Variants in EYA4 observed in about 807,000 individuals in gnomAD.
EYA4 encodes the protein EYA transcriptional coactivator and phosphatase 4.
A neutral mutation model predicts 87.9 loss-of-function variants in EYA4; 31 were observed. The ratio of observed to expected loss-of-function variants is 0.35; its 90% confidence interval spans 0.27 to 0.48. The LOEUF (loss-of-function observed/expected upper bound fraction) is 0.48. Among genes scored for constraint, EYA4 ranks in the 20% least tolerant of loss-of-function variants. The pLI is 0.99. For synonymous variants in EYA4, 263 were observed against 270.6 expected (o/e 0.97, Z 0.28); for missense variants, 678 against 761.4 (o/e 0.89, Z 1.29).
chr6:133,468,811 A>T, intron 11 of EYA4, 80 bp downstream of exon 11: 1 of 1,412,072 alleles, frequency 7.1e-7, no homozygotes, highest in African/African-American at 1.4e-5. Flanking sequence ...CATTCCAAAA[A>T]CATGGCGGAA....
chr6:133,244,148 G>A (rs117186943), intron 1 of EYA4, among the ~76,000 whole-genome samples: 1,700 of 152,200 alleles, frequency 0.011, 13 homozygotes, highest in Non-Finnish European at 0.014. Flanking sequence ...ATAAGTAAAG[G>A]TCTACAATCA....
chr6:133,400,695 G>A (rs959544509), intron 3 of EYA4, among the ~76,000 whole-genome samples: 1 of 147,188 alleles, frequency 6.8e-6, no homozygotes, highest in Non-Finnish European at 1.5e-5. Context: ...AATTATTATT[G>A]ATTACCTTAT....
In EYA4 at chr6:133,462,384, T is replaced by C; in HGVS notation, c.487T>C (p.Tyr163His). The stretch of plus-strand genomic sequence containing the variant: ...ACCAGCAGCTCAAACAATGTCTGCC[T>C]ATGCAGGCCAGACTCAGTATTCGGG... ...STPAAQTMSA[Y>H]AGQTQYSGMQ... The change falls in exon 8 of 20, where the codon TAT (tyrosine) becomes CAT (histidine). Residue 163 changes from tyrosine to histidine, a missense_variant. Physicochemically the swap from Tyr to His is moderately conservative, Grantham distance 83. Coordinates refer to ENST00000355286, the MANE Select transcript of EYA4 (RefSeq NM_004100.5). 6.2e-7 allele frequency: 1 copy of C among 1,614,040 alleles called. No homozygotes were observed. The highest frequency in any genetic ancestry group is 8.5e-7 in the Non-Finnish European group (1 of 1,179,886).
Position 133,446,687 on chromosome 6 carries a change from T to G in EYA4, c.141T>G (p.Thr47=), listed in dbSNP as rs752686762. The G allele has an allele frequency of 2.5e-6, 4 of 1,613,888 alleles. No individual in the cohort carries two copies. The Admixed American group carries it at 6.7e-5, about 27-fold the overall frequency. ...ATACTCTTGTTGGAGGTGGTGATAC[T>G]CCAGGTAGCTCCAAACTGGAAAAAT... ...SPHTLVGGGD[T]PGSSKLEKSN... is the part of the protein sequence containing the mutation. Residue 47 remains threonine, a synonymous_variant, in exon 4 of 20, where the codon ACT becomes ACG. Transcript: ENST00000355286.
chr6:133,355,640 C>T lies in EYA4; in HGVS notation c.34-26752C>T, dbSNP rs773271107. On this transcript the variant is annotated intron_variant, in intron 2 of 19. Coordinates refer to ENST00000355286, the MANE Select transcript of EYA4 (RefSeq NM_004100.5). The stretch of plus-strand genomic sequence containing the variant: ...AAGCTTACTTGGGATGGCTTGTCCT[C>T]ATTGATTGCTATATAAGTACCTTCT... Among the ~76,000 whole-genome samples, 34 of 152,104 alleles carry T rather than the reference C, an allele frequency of 2.2e-4. 2 individuals carry two copies. The highest frequency in any genetic ancestry group is 4.7e-4 in the Non-Finnish European group (32 of 68,018).
chr6:133,276,478 C>T (rs778705783), intron 2 of EYA4, among the ~76,000 whole-genome samples: 4 of 152,114 alleles, frequency 2.6e-5, no homozygotes, highest in Non-Finnish European at 5.9e-5. Flanking sequence ...ACTAAAGATG[C>T]GTCATATCAC....
At position 133,336,779 on chromosome 6, in the gene EYA4, A is replaced by G. The variant is rs562780692; in HGVS notation, c.34-45613A>G. Among the ~76,000 whole-genome samples, 48 of 152,334 alleles carry G rather than the reference A, an allele frequency of 3.2e-4. No individual in the cohort carries two copies. In the South Asian group the frequency reaches 9.9e-3, roughly 32 times the overall value. On this transcript the variant is annotated intron_variant, in intron 2 of 19. Coordinates refer to ENST00000355286, the MANE Select transcript of EYA4 (RefSeq NM_004100.5). ...AAGCAATGATACATATAAGGTACAG[A>G]TAAGATACATATGGAAACATGTTAA...
intron 2 of EYA4, among the ~76,000 whole-genome samples, chr6:133,292,543 G>A (rs889614565): frequency 1.3e-5 from 2 of 152,106 alleles, no homozygotes; most frequent in Non-Finnish European, 1.5e-5. Context: ...GATTTTAAAC[G>A]GGAAGTTGCT....
At chr6:133,334,692 G>A (rs555077333) in intron 2 of EYA4, among the ~76,000 whole-genome samples, 1 of 152,226 alleles carries the variant, frequency 6.6e-6, no homozygotes, top group East Asian at 1.9e-4. Flanking sequence ...AAGAACCCTA[G>A]TGACCTGCAC....
chr6:133,272,774 G>A (rs1776807393), intron 1 of EYA4, among the ~76,000 whole-genome samples: 1 of 152,140 alleles, frequency 6.6e-6, no homozygotes, highest in South Asian at 2.1e-4. Context: ...CAGCAGCCTG[G>A]ACCTGTTGCA....
At chr6:133,480,588 T>C (rs1268598517) in intron 11 of EYA4, among the ~76,000 whole-genome samples, 1 of 152,162 alleles carries the variant, frequency 6.6e-6, no homozygotes, top group Non-Finnish European at 1.5e-5. Context: ...AAACATATCA[T>C]TGATAATTTT....
intron 2 of EYA4, among the ~76,000 whole-genome samples, chr6:133,291,121 G>C (rs752795304): frequency 6.6e-6 from 1 of 152,156 alleles, no homozygotes; most frequent in South Asian, 2.1e-4. Context: ...AGTTACTGTA[G>C]TATAGGATTT....
At chr6:133,392,710 G>C (rs187308750) in intron 3 of EYA4, among the ~76,000 whole-genome samples, 70 of 152,246 alleles carry the variant, frequency 4.6e-4, no homozygotes, top group African/African-American at 1.7e-3. Context: ...AATAGATTTG[G>C]CTTGAAATAG....
At position 133,468,590 on chromosome 6, in the gene EYA4, G is replaced by A. The variant is rs9493627; in HGVS notation, c.829G>A (p.Gly277Ser). 0.33 allele frequency: 532,992 copies of A among 1,609,232 alleles called. 91,266 individuals are homozygous for A. Among genetic ancestry groups the A allele is most frequent in the African/African-American group, 0.54 (40,417 of 74,692 alleles). Residue 277 changes from glycine to serine, a missense_variant, in exon 11 of 20, where the codon GGC becomes AGC. Transcript: ENST00000355286. The part of the protein sequence containing the change: ...QQDYPSYTAF[G>S]QNQYAQYYSA... ...GGATTATCCATCCTATACAGCCTTT[G>A]GCCAAAACCAGTATGCACAGTATTA...
intron 2 of EYA4, among the ~76,000 whole-genome samples, chr6:133,356,051 GAGAGAA>G (rs1239227149): frequency 7.8e-5 from 8 of 102,750 alleles, no homozygotes; most frequent in African/African-American, 3.7e-4. Flanking sequence ...AAGAGAGAAA[GAGAGAA>G]AGAGAGAGAG....
chr6:133,264,118 G>A (rs1776013315), intron 1 of EYA4, among the ~76,000 whole-genome samples: 2 of 152,194 alleles, frequency 1.3e-5, no homozygotes, highest in Non-Finnish European at 2.9e-5. Context: ...CTGGCTGCAG[G>A]ACAGTGTGAG....
chr6:133,251,618 T>C (rs957327111), intron 1 of EYA4, among the ~76,000 whole-genome samples: 2 of 152,232 alleles, frequency 1.3e-5, no homozygotes, highest in Admixed American at 6.5e-5. Flanking sequence ...TTTCAAGCTC[T>C]GGTTATTGAC....
At chr6:133,401,139 C>T (rs893862998) in intron 3 of EYA4, among the ~76,000 whole-genome samples, 4 of 151,970 alleles carry the variant, frequency 2.6e-5, no homozygotes, top group East Asian at 1.9e-4. Context: ...AAGACAAGCA[C>T]GGAAAAGCAA....
At chr6:133,314,716 CT>C (rs1396718423) in intron 2 of EYA4, among the ~76,000 whole-genome samples, 2 of 152,052 alleles carry the variant, frequency 1.3e-5, no homozygotes, top group African/African-American at 2.4e-5. Flanking sequence ...AAATAAAGCG[CT>C]AGTATTAAAA....
Sources: gnomAD v4.1 joint callset for allele counts (sites outside exome capture counted in the v4.1 genomes callset) on GRCh38, gnomAD v4.1.1 for gene constraint, MANE v1.5 for transcripts, NCBI Gene and HGNC (gene_info 2026-07-23, HGNC 2026-07-21) for gene names.